The following PLCB1 variants were observed in gnomAD, a reference collection of about 807,000 sequenced individuals.
PLCB1 encodes the protein 1-phosphatidylinositol 4,5-bisphosphate phosphodiesterase beta-1.
In PLCB1, 46 loss-of-function variants were observed where a neutral mutation model predicts 161.8. The ratio of observed to expected loss-of-function variants is 0.28; its 90% confidence interval spans 0.22 to 0.36. The LOEUF (loss-of-function observed/expected upper bound fraction) is 0.36, where lower values mean the gene tolerates loss of function less well. Ranked by LOEUF, PLCB1 falls within the 10% of genes least tolerant of loss-of-function variation. PLCB1 has a pLI of 1.00. For synonymous variants in PLCB1, 517 were observed against 503.7 expected, an observed-to-expected ratio of 1.03 and a Z score of -0.35; for missense variants, 1,016 against 1,472.5, an observed-to-expected ratio of 0.69 and a Z score of 5.07.
At chr20:8,586,872 A>G (rs6086518) in intron 3 of PLCB1, among the ~76,000 whole-genome samples, 72,378 of 151,904 alleles carry the variant, frequency 0.48, 19,057 homozygotes, top group African/African-American at 0.69. Flanking sequence ...TAATTCTAAA[A>G]TCTGAGCTAC....
At chr20:8,224,411 A>G (rs1288815299) in intron 2 of PLCB1, among the ~76,000 whole-genome samples, 1 of 152,192 alleles carries the variant, frequency 6.6e-6, no homozygotes, top group East Asian at 1.9e-4. Context: ...AATAACGTCT[A>G]GATTATTAGT....
intron 2 of PLCB1, among the ~76,000 whole-genome samples, chr20:8,349,850 G>A (rs1429463024): frequency 1.3e-5 from 2 of 151,980 alleles, no homozygotes; most frequent in Non-Finnish European, 2.9e-5. Flanking sequence ...ACTGAATGTG[G>A]TCCAGTTGAA....
At chr20:8,671,148 T>C (rs1568554551) in intron 9 of PLCB1, among the ~76,000 whole-genome samples, 1 of 152,204 alleles carries the variant, frequency 6.6e-6, no homozygotes, top group Non-Finnish European at 1.5e-5. Context: ...GGCAGACACA[T>C]TGTCCAGTTT....
chr20:8,709,748 G>A (rs375632171), intron 12 of PLCB1, among the ~76,000 whole-genome samples: 17 of 152,202 alleles, frequency 1.1e-4, no homozygotes, highest in South Asian at 6.2e-4. Flanking sequence ...CAGTTTGCCC[G>A]CCAGAAATCC....
chr20:8,343,441 T>C (rs554921709), intron 2 of PLCB1, among the ~76,000 whole-genome samples: 2 of 152,354 alleles, frequency 1.3e-5, no homozygotes, highest in South Asian at 4.1e-4. Flanking sequence ...ATGCTGCTGC[T>C]GATGGTCTGG....
intron 2 of PLCB1, among the ~76,000 whole-genome samples, chr20:8,199,421 A>C (rs916678138): frequency 5.9e-5 from 9 of 152,162 alleles, no homozygotes; most frequent in Admixed American, 2.0e-4. Context: ...TCCAATTTCA[A>C]CTTCCACCAT....
chr20:8,648,453 A>G (rs1444065442), intron 6 of PLCB1, among the ~76,000 whole-genome samples: 3 of 152,218 alleles, frequency 2.0e-5, no homozygotes, highest in Non-Finnish European at 4.4e-5. Flanking sequence ...ATCCTGTGGG[A>G]CTGGTGAGCA....
chr20:8,852,591 A>G (rs1178739929), intron 31 of PLCB1, among the ~76,000 whole-genome samples: 1 of 152,168 alleles, frequency 6.6e-6, no homozygotes, highest in East Asian at 1.9e-4. Context: ...AGTTACAGAC[A>G]AGGGGCACAC....
At chr20:8,459,929 C>G (rs1354059307) in intron 3 of PLCB1, among the ~76,000 whole-genome samples, 3 of 152,140 alleles carry the variant, frequency 2.0e-5, no homozygotes, top group African/African-American at 7.2e-5. Context: ...TGATAAATAT[C>G]AATATGTGAA....
At chr20:8,780,611 A>G (rs1983168617) in intron 27 of PLCB1, among the ~76,000 whole-genome samples, 2 of 152,164 alleles carry the variant, frequency 1.3e-5, no homozygotes, top group Admixed American at 1.3e-4. Flanking sequence ...CAGGACCCCA[A>G]ACCAACGTTA....
chr20:8,426,382 A>C (rs926238266), intron 3 of PLCB1, among the ~76,000 whole-genome samples: 3 of 152,182 alleles, frequency 2.0e-5, no homozygotes, highest in African/African-American at 7.2e-5. Context: ...GACCACGCGC[A>C]CTGGTTTTGC....
At chr20:8,523,531 C>T (rs1218133881) in intron 3 of PLCB1, among the ~76,000 whole-genome samples, 2 of 87,476 alleles carry the variant, frequency 2.3e-5, no homozygotes, top group Non-Finnish European at 4.7e-5. Flanking sequence ...TGGAGAGAGA[C>T]AACACCTCCA....
chr20:8,548,709 A>G (rs1985661551), intron 3 of PLCB1, among the ~76,000 whole-genome samples: 1 of 151,976 alleles, frequency 6.6e-6, no homozygotes, highest in Non-Finnish European at 1.5e-5. Context: ...TACAGTCTTA[A>G]CTCTAGGCTG....
intron 8 of PLCB1, 27 bp downstream of exon 8, chr20:8,657,311 CT>C: frequency 7.5e-7 from 1 of 1,334,368 alleles, no homozygotes; most frequent in East Asian, 2.3e-5. Flanking sequence ...TAAGCCATAT[CT>C]TTTTCAGCTT....
intron 23 of PLCB1, chr20:8,750,859 T>G (rs1052200126): frequency 7.3e-7 from 1 of 1,365,586 alleles, no homozygotes; most frequent in Non-Finnish European, 9.8e-7. Flanking sequence ...CTGGAAAAAC[T>G]GATGGCCTTA....
Position 8,203,912 on chromosome 20 carries a change from T to G in PLCB1, c.177+53541T>G, listed in dbSNP as rs184398225. Among the ~76,000 whole-genome samples, 541 of 152,248 alleles carry G rather than the reference T, an allele frequency of 3.6e-3. 1 individual carries two copies. Among genetic ancestry groups the G allele is most frequent in the Non-Finnish European group, 4.9e-3 (330 of 68,024 alleles). On this transcript the variant is annotated intron_variant, in intron 2 of 31. Transcript: ENST00000338037. ...GCCCCAGTTGCCCATAGTGAAGGAC[T>G]TGTACTTTATAACACCTTTCATTGC...
At chr20:8,509,723 G>T (rs6118219) in intron 3 of PLCB1, among the ~76,000 whole-genome samples, 15,624 of 145,710 alleles carry the variant, frequency 0.11, 862 homozygotes, top group Middle Eastern at 0.16. Context: ...AAAGAGATAG[G>T]CAGATCATAG....
At chr20:8,156,286 T>C (rs1449219466) in intron 2 of PLCB1, among the ~76,000 whole-genome samples, 1 of 152,192 alleles carries the variant, frequency 6.6e-6, no homozygotes, top group Non-Finnish European at 1.5e-5. Context: ...ATTCTTTATA[T>C]TATATCCCAG....
chr20:8,366,506 C>G (rs1481935224), intron 2 of PLCB1, among the ~76,000 whole-genome samples: 3 of 152,146 alleles, frequency 2.0e-5, no homozygotes, highest in African/African-American at 7.2e-5. Flanking sequence ...ACTGTACAAA[C>G]AGAGATAAAA....
Sources: allele counts gnomAD v4.1 joint callset (sites outside exome capture counted in the v4.1 genomes callset), GRCh38; gene constraint gnomAD v4.1.1; transcripts MANE v1.5; gene names NCBI Gene and HGNC (gene_info 2026-07-23, HGNC 2026-07-21).